The following CLPTM1L variants were observed in gnomAD, a reference collection of about 807,000 sequenced individuals.
CLPTM1L encodes CLPTM1 like, also known as lipid scramblase CLPTM1L.
Under a neutral mutation model 70.9 loss-of-function variants are expected in CLPTM1L, and 38 were observed. The observed-to-expected ratio is 0.54, with a 90% CI of 0.41 to 0.70. CLPTM1L has a LOEUF of 0.70. CLPTM1L is among the 30% of genes least tolerant of loss of function. The probability of loss-of-function intolerance (pLI) is 0.00; values close to 1 mark genes in which losing one functional copy is unlikely to be tolerated. For synonymous variants in CLPTM1L, 339 were observed against 299.9 expected (o/e 1.13, Z -1.35); for missense variants, 652 against 705.9 (o/e 0.92, Z 0.87).
chr5:1,341,692 GAGC>G lies in CLPTM1L; in HGVS notation c.429_431del (p.Leu144del). ...TCACCTGTGTATCAGACTCCCCGGT[GAGC>G]AGGTTGATTTCTTCTGGCTTGGGGA... On this transcript the variant is annotated inframe_deletion, in exon 3 of 17. Coordinates refer to ENST00000320895, the MANE Select transcript of CLPTM1L (RefSeq NM_030782.5). 1.2e-6 allele frequency: 2 copies of G among 1,610,478 alleles called. No individual in the cohort carries two copies. Among genetic ancestry groups the G allele is most frequent in the East Asian group, 4.5e-5 (2 of 44,726 alleles).
At chr5:1,330,188 C>T (rs972488161) in intron 9 of CLPTM1L, 92 bp downstream of exon 9, 58 of 1,017,726 alleles carry the variant, frequency 5.7e-5, no homozygotes, top group Non-Finnish European at 8.7e-5. Context: ...CAGGCTTCCA[C>T]AGAAGGTCTC....
chr5:1,327,814 C>G (rs1248545497), intron 9 of CLPTM1L, among the ~76,000 whole-genome samples: 4 of 150,236 alleles, frequency 2.7e-5, no homozygotes, highest in Non-Finnish European at 4.4e-5. Flanking sequence ...CACATTCCAT[C>G]CAGCTCCTCC....
intron 9 of CLPTM1L, among the ~76,000 whole-genome samples, chr5:1,327,346 C>G (rs376779): frequency 7.3e-6 from 1 of 136,660 alleles, no homozygotes; most frequent in African/African-American, 2.7e-5. Context: ...CAGACACATT[C>G]CATCCAGCTC....
At chr5:1,338,232 T>G (rs992845492) in intron 4 of CLPTM1L, 1 of 565,230 alleles carries the variant, frequency 1.8e-6, no homozygotes, top group Non-Finnish European at 3.2e-6. Context: ...CCACGGCCAC[T>G]AGGAGCGGGG....
At chr5:1,339,618 C>T (rs1451962145) in intron 3 of CLPTM1L, among the ~76,000 whole-genome samples, 2 of 101,146 alleles carry the variant, frequency 2.0e-5, no homozygotes, top group South Asian at 3.4e-4. Context: ...GCCACACAGA[C>T]GGGCAAACTG....
rs561455184 is a variant in CLPTM1L at position 1,345,084 on chromosome 5, G to A, written c.-243C>T. The A allele has an allele frequency of 9.1e-3, 1,401 of 153,120 alleles. 8 individuals are homozygous for A. The highest frequency in any genetic ancestry group is 0.015 in the Non-Finnish European group (1,017 of 69,260). The allele number at this position is 153,120 out of a possible 1,614,324, so 9.5% of individuals were successfully genotyped here. A position where few individuals can be genotyped will look rare whatever the true frequency, so the allele number is the denominator to read the frequency against. On this transcript the variant is annotated 5_prime_UTR_variant, in exon 1 of 17. Coordinates refer to ENST00000320895, the MANE Select transcript of CLPTM1L (RefSeq NM_030782.5). ...GCCCCGCGCGCCGCTTCCGGGCCCC[G>A]CCGCCTGCCGGAAGTGGACGCGCCG...
At position 1,320,601 on chromosome 5, in the gene CLPTM1L, C is replaced by A; in HGVS notation, c.1532+15G>T. 6.9e-7 allele frequency: 1 copy of A among 1,441,826 alleles called. No homozygotes were observed. Among genetic ancestry groups the A allele is most frequent in the Non-Finnish European group, 9.3e-7 (1 of 1,070,262 alleles). 89.3% of individuals were successfully genotyped at this position (1,441,826 alleles called of 1,614,324 possible). A position where few individuals can be genotyped will look rare whatever the true frequency, so the allele number is the denominator to read the frequency against. The stretch of plus-strand genomic sequence containing the variant: ...TGAGACGGAGCAACGGCCGAGCATA[C>A]GCAGCCGCACTCACCACCGCTGGTA... On this transcript the variant is annotated intron_variant, in intron 16 of 16. Coordinates refer to ENST00000320895, the MANE Select transcript of CLPTM1L (RefSeq NM_030782.5).
chr5:1,333,674 G>C (rs1221476043), intron 7 of CLPTM1L, among the ~76,000 whole-genome samples: 10 of 97,630 alleles, frequency 1.0e-4, no homozygotes, highest in South Asian at 3.4e-4. Context: ...TGAGGATAAG[G>C]GGGGACTACT....
At chr5:1,343,396 C>T (rs1267340856) in intron 2 of CLPTM1L, among the ~76,000 whole-genome samples, 1 of 152,196 alleles carries the variant, frequency 6.6e-6, no homozygotes, top group African/African-American at 2.4e-5. Flanking sequence ...TCATTCTCCC[C>T]ACTTCCTCCA....
intron 16 of CLPTM1L, chr5:1,320,255 A>C: frequency 5.8e-6 from 1 of 173,894 alleles, no homozygotes; most frequent in East Asian, 1.6e-4. Context: ...CTTCGAGGCT[A>C]GCGCCAAGTA....
chr5:1,334,260 T>G, intron 7 of CLPTM1L, 29 bp downstream of exon 7: 2 of 1,585,086 alleles, frequency 1.3e-6, no homozygotes, highest in South Asian at 1.1e-5. Context: ...CCCAAGTGCC[T>G]GCGGCAAGCC....
chr5:1,337,807 G>C lies in CLPTM1L; in HGVS notation c.678+97C>G, dbSNP rs537216926. 3.4e-5 allele frequency: 32 copies of C among 951,378 alleles called. No homozygotes were observed. The African/African-American group carries it at 4.8e-4, about 14-fold the overall frequency. 58.9% of individuals were successfully genotyped at this position (951,378 alleles called of 1,614,324 possible). A position where few individuals can be genotyped will look rare whatever the true frequency, so the allele number is the denominator to read the frequency against. The stretch of plus-strand genomic sequence containing the variant: ...GGTAAAAGCACCGTGTCAAATGTCA[G>C]CAATGGCCCGGTCCATTAGGGTGCA... On this transcript the variant is annotated intron_variant, in intron 5 of 16. Transcript: ENST00000320895.
intron 5 of CLPTM1L, among the ~76,000 whole-genome samples, chr5:1,337,108 A>G (rs1753622809): frequency 6.6e-6 from 1 of 152,206 alleles, no homozygotes; most frequent in South Asian, 2.1e-4. Context: ...GCAGGGAGGC[A>G]GGGCAGGGCA....
chr5:1,340,117 G>C (rs1046589116), intron 3 of CLPTM1L, among the ~76,000 whole-genome samples: 7 of 152,244 alleles, frequency 4.6e-5, no homozygotes, highest in Non-Finnish European at 1.0e-4. Flanking sequence ...AGGGGGTGCT[G>C]CTTTGCAACA....
intron 7 of CLPTM1L, among the ~76,000 whole-genome samples, chr5:1,333,712 G>A (rs1579642937): frequency 4.2e-5 from 6 of 142,310 alleles, no homozygotes; most frequent in East Asian, 2.1e-4. Flanking sequence ...GGATAAGGGG[G>A]GACTACTGTA....
Position 1,318,221 on chromosome 5 carries a change from G to C in CLPTM1L, c.*148C>G. Reference sequence around the variant, plus strand: ...AAGCGCTACCAGCTCCAAATCTGACGTGATGGGAACTTGGGAGATGTCTGA... The same window carrying C: ...AAGCGCTACCAGCTCCAAATCTGACCTGATGGGAACTTGGGAGATGTCTGA... On this transcript the variant is annotated 3_prime_UTR_variant, in exon 17 of 17. Coordinates refer to ENST00000320895, the MANE Select transcript of CLPTM1L (RefSeq NM_030782.5). The surrounding 1 kb of genome is among the most constrained non-coding windows in gnomAD (Gnocchi z 8.9). 1.5e-6 allele frequency: 1 copy of C among 649,012 alleles called. No homozygotes were observed. The highest frequency in any genetic ancestry group is 2.5e-5 in the Admixed American group (1 of 39,608). 40.2% of individuals were successfully genotyped at this position (649,012 alleles called of 1,614,324 possible). A position where few individuals can be genotyped will look rare whatever the true frequency, so the allele number is the denominator to read the frequency against.
chr5:1,323,326 C>T (rs571976988), intron 12 of CLPTM1L, among the ~76,000 whole-genome samples: 1 of 132,072 alleles, frequency 7.6e-6, no homozygotes, highest in South Asian at 2.2e-4. Flanking sequence ...GGCCAGCAGC[C>T]CACCTGGGCA....
chr5:1,344,546 C>A, intron 1 of CLPTM1L, 95 bp from the exon 2 acceptor site: 2 of 1,465,776 alleles, frequency 1.4e-6, no homozygotes, highest in East Asian at 2.4e-5. Context: ...GACCTGGCCG[C>A]TGGGGAACCA....
chr5:1,333,848 T>C (rs967356437), intron 7 of CLPTM1L, among the ~76,000 whole-genome samples: 6 of 151,966 alleles, frequency 3.9e-5, no homozygotes, highest in African/African-American at 1.5e-4. Flanking sequence ...TTTTTACATT[T>C]AAAAATCAGT....
Sources: gnomAD v4.1 joint callset for allele counts (sites outside exome capture counted in the v4.1 genomes callset) on GRCh38, gnomAD v4.1.1 for gene constraint, Gnocchi (gnomAD v3.1) non-coding constraint, MANE v1.5 for transcripts, NCBI Gene and HGNC (gene_info 2026-07-23, HGNC 2026-07-21) for gene names.